Variants in DPP6 observed in about 807,000 individuals in gnomAD.
The protein encoded by DPP6 is A-type potassium channel modulatory protein DPP6.
A neutral mutation model predicts 122.6 loss-of-function variants in DPP6; 69 were observed. The ratio of observed to expected loss-of-function variants is 0.56; its 90% confidence interval spans 0.46 to 0.69. The LOEUF (loss-of-function observed/expected upper bound fraction) is 0.69, where lower values mean the gene tolerates loss of function less well. Ranked by LOEUF, DPP6 falls within the 30% of genes least tolerant of loss-of-function variation. DPP6 has a pLI of 0.00. For missense variants in DPP6, 928 were observed against 1,116.9 expected (o/e 0.83, Z 2.41); for synonymous variants, 418 against 433.1 (o/e 0.97, Z 0.43).
chr7:154,374,605 T>TTTTTTCTTTTTTTTA, intron 1 of DPP6, among the ~76,000 whole-genome samples: 1 of 140,436 alleles, frequency 7.1e-6, no homozygotes, highest in Non-Finnish European at 1.6e-5. Context: ...TTTTTCTGTT[T>TTTTTTCTTTTTTTTA]TTTTTCTTTT....
At chr7:154,078,326 C>T (rs182459748) in intron 1 of DPP6, among the ~76,000 whole-genome samples, 105 of 141,934 alleles carry the variant, frequency 7.4e-4, no homozygotes, top group Non-Finnish European at 1.4e-3. Context: ...ATTTATATTA[C>T]GACTTTCAAA....
chr7:154,840,638 C>T (rs1000457271), intron 16 of DPP6, among the ~76,000 whole-genome samples: 2 of 152,222 alleles, frequency 1.3e-5, no homozygotes, highest in Non-Finnish European at 2.9e-5. Context: ...ACTGTTTTTA[C>T]GTTCCAGACT....
intron 1 of DPP6, among the ~76,000 whole-genome samples, chr7:154,107,097 G>C (rs1259454571): frequency 4.6e-5 from 7 of 152,104 alleles, no homozygotes; most frequent in African/African-American, 1.7e-4. Flanking sequence ...TAGAACCAAA[G>C]GAACTGAAAT....
chr7:154,094,557 G>A (rs1178942169), intron 1 of DPP6: 2 of 152,238 alleles, frequency 1.3e-5, no homozygotes, highest in African/African-American at 4.8e-5. Context: ...CATGTTCAGA[G>A]CTGGAGAGGG....
At chr7:154,136,173 C>T (rs1795547386) in intron 1 of DPP6, among the ~76,000 whole-genome samples, 1 of 152,164 alleles carries the variant, frequency 6.6e-6, no homozygotes, top group African/African-American at 2.4e-5. Context: ...GCAGTGCTTT[C>T]ACTGGGACCT....
chr7:154,342,167 G>C (rs1474213604), intron 1 of DPP6, among the ~76,000 whole-genome samples: 3 of 152,206 alleles, frequency 2.0e-5, no homozygotes, highest in Non-Finnish European at 4.4e-5. Context: ...AGAATGTCTA[G>C]GCTGTGAAGC....
chr7:153,837,973 T>C, the DPP6 span, among the ~76,000 whole-genome samples: 1 of 151,650 alleles, frequency 6.6e-6, no homozygotes, highest in Non-Finnish European at 1.5e-5. Context: ...CATACCTCTT[T>C]GTAGTTCTTA....
intron 16 of DPP6, among the ~76,000 whole-genome samples, chr7:154,834,427 G>T (rs2316532): frequency 0.8 from 121,239 of 151,992 alleles, 48,688 homozygotes; most frequent in East Asian, 0.99. Context: ...AGTGAGCTGA[G>T]ACCATGCCAT....
intron 16 of DPP6, among the ~76,000 whole-genome samples, chr7:154,829,878 T>C (rs1359334965): frequency 6.6e-6 from 1 of 152,084 alleles, no homozygotes; most frequent in Non-Finnish European, 1.5e-5. Context: ...CAATTGAAAG[T>C]CAGCCTTCCA....
intron 1 of DPP6, among the ~76,000 whole-genome samples, chr7:153,981,602 C>G (rs528715039): frequency 2.6e-5 from 4 of 152,222 alleles, no homozygotes; most frequent in African/African-American, 9.6e-5. Flanking sequence ...TAGCTGGTTA[C>G]TTTGCTCATT....
chr7:153,843,275 C>CGT, the DPP6 span, among the ~76,000 whole-genome samples: 1 of 148,622 alleles, frequency 6.7e-6, no homozygotes, highest in African/African-American at 2.5e-5. Flanking sequence ...CACGCATGCG[C>CGT]GCGCGCACAC....
intron 1 of DPP6, among the ~76,000 whole-genome samples, chr7:153,985,147 G>A (rs760986508): frequency 1.3e-5 from 2 of 152,240 alleles, no homozygotes; most frequent in Non-Finnish European, 2.9e-5. Flanking sequence ...ATTTTCCAAT[G>A]AGAGTGGAGG....
chr7:153,806,994 T>C, the DPP6 span, among the ~76,000 whole-genome samples: 1 of 152,094 alleles, frequency 6.6e-6, no homozygotes. Context: ...TTCCCTTCTT[T>C]TTTACTAAAA....
chr7:154,468,828 T>C (rs988221492), intron 2 of DPP6, among the ~76,000 whole-genome samples: 7 of 152,202 alleles, frequency 4.6e-5, no homozygotes, highest in African/African-American at 1.4e-4. Flanking sequence ...CTTAGACTAT[T>C]TGAAGACATG....
intron 1 of DPP6, among the ~76,000 whole-genome samples, chr7:154,444,265 G>A (rs1473018073): frequency 6.6e-6 from 1 of 151,870 alleles, no homozygotes; most frequent in East Asian, 1.9e-4. Flanking sequence ...AGACCATTCT[G>A]GCTAACATGG....
chr7:154,031,739 G>A (rs1044817035), intron 1 of DPP6, among the ~76,000 whole-genome samples: 2 of 152,056 alleles, frequency 1.3e-5, no homozygotes, highest in Non-Finnish European at 2.9e-5. Context: ...ACAGCCTTTG[G>A]AGAATCTAGC....
At chr7:154,296,520 T>C (rs1018496345) in intron 1 of DPP6, among the ~76,000 whole-genome samples, 1 of 152,304 alleles carries the variant, frequency 6.6e-6, no homozygotes, top group African/African-American at 2.4e-5. Flanking sequence ...ACACATGGGC[T>C]CAGGCCCAGC....
intron 7 of DPP6, among the ~76,000 whole-genome samples, chr7:154,713,288 C>A (rs2131311676): frequency 6.6e-6 from 1 of 152,320 alleles, no homozygotes; most frequent in South Asian, 2.1e-4. Context: ...GTACCTGGGG[C>A]AAGCTATTGG....
At chr7:153,930,333 G>C (rs1262363250) in intron 1 of DPP6, among the ~76,000 whole-genome samples, 3 of 152,170 alleles carry the variant, frequency 2.0e-5, no homozygotes, top group Non-Finnish European at 4.4e-5. Context: ...CCTTCTCTCA[G>C]TGTGTAGTCA....
Sources: gnomAD v4.1 joint callset for allele counts (sites outside exome capture counted in the v4.1 genomes callset) on GRCh38, gnomAD v4.1.1 for gene constraint, MANE v1.5 for transcripts, NCBI Gene and HGNC (gene_info 2026-07-23, HGNC 2026-07-21) for gene names.